CDH7: variants seen among roughly 807,000 people sequenced by gnomAD.
The protein encoded by CDH7 is cadherin 7, also known as cadherin-7.
In CDH7, 25 loss-of-function variants were observed where a neutral mutation model predicts 71.8. That is an observed-to-expected ratio of 0.35 (90% confidence interval 0.25 to 0.49). The LOEUF (loss-of-function observed/expected upper bound fraction) is 0.49. CDH7 is among the 20% of genes least tolerant of loss of function. CDH7 has a pLI of 0.99. For synonymous variants in CDH7, 381 were observed against 363.8 expected, an observed-to-expected ratio of 1.05 and a Z score of -0.54; for missense variants, 862 against 974.6, an observed-to-expected ratio of 0.88 and a Z score of 1.54.
intron 2 of CDH7, among the ~76,000 whole-genome samples, chr18:65,791,397 G>A (rs553457727): frequency 1.3e-5 from 2 of 152,050 alleles, no homozygotes; most frequent in African/African-American, 4.8e-5. Context: ...AATATTATGT[G>A]GTTTGTAAGC....
intron 7 of CDH7, among the ~76,000 whole-genome samples, chr18:65,846,876 G>C (rs1284844694): frequency 6.6e-6 from 1 of 152,092 alleles, no homozygotes; most frequent in South Asian, 2.1e-4. Flanking sequence ...ATCATGACTT[G>C]AATATTACCA....
In CDH7 at chr18:65,828,276, C is replaced by T. The variant is rs1054893848; in HGVS notation, c.981+3445C>T. Reference sequence around the variant, plus strand: ...AAAAATAGTGGAAATGATACATTTGCGTTTTACTGCAGTTTAAGCTTACTA... The same window carrying T: ...AAAAATAGTGGAAATGATACATTTGTGTTTTACTGCAGTTTAAGCTTACTA... On this transcript the variant is annotated intron_variant, in intron 6 of 11. Transcript: ENST00000397968. Among the ~76,000 whole-genome samples the T allele has an allele frequency of 5.3e-5, 8 of 151,984 alleles. No homozygotes were observed. The East Asian group carries it at 5.8e-4, about 11-fold the overall frequency.
intron 4 of CDH7, among the ~76,000 whole-genome samples, 199 bp from the exon 5 acceptor site, chr18:65,821,882 A>G (rs559833031): frequency 6.6e-6 from 1 of 152,286 alleles, no homozygotes; most frequent in African/African-American, 2.4e-5. Flanking sequence ...AAACCACGTT[A>G]ATAATGTTTT....
rs1169928573 is a variant in CDH7 at position 65,810,643 on chromosome 18, T to A, written c.505+645T>A. 9.9e-4 allele frequency among the ~76,000 whole-genome samples: 11 copies of A among 11,058 alleles called. No individual in the cohort carries two copies. In the Admixed American group the frequency reaches 0.014, roughly 14 times the overall value. 7.3% of individuals were successfully genotyped at this position (11,058 alleles called of 152,430 possible). ...CCATGGTGGTTTGCTGCATAGATTA[T>A]CCCATCACCTAGTATTAAGCCCAGC... On this transcript the variant is annotated intron_variant, in intron 3 of 11. Coordinates refer to ENST00000397968, the MANE Select transcript of CDH7 (RefSeq NM_004361.5).
chr18:65,829,930 G>A (rs1387874156), intron 6 of CDH7, among the ~76,000 whole-genome samples: 2 of 151,922 alleles, frequency 1.3e-5, no homozygotes, highest in Non-Finnish European at 2.9e-5. Flanking sequence ...AAATATCCAA[G>A]GCTCTGTAGA....
chr18:65,813,851 TAA>T (rs1599024620), intron 3 of CDH7, among the ~76,000 whole-genome samples: 1 of 152,216 alleles, frequency 6.6e-6, no homozygotes, highest in African/African-American at 2.4e-5. Context: ...ATGCAATTTT[TAA>T]AGTTTCCATG....
At chr18:65,793,321 T>C (rs1910782018) in intron 2 of CDH7, among the ~76,000 whole-genome samples, 1 of 151,538 alleles carries the variant, frequency 6.6e-6, no homozygotes, top group Non-Finnish European at 1.5e-5. Context: ...TCATTTCAGC[T>C]TCTCCACAGG....
At chr18:65,763,594 GGTGTGTGTGTGTGTGTGT>G in intron 2 of CDH7, among the ~76,000 whole-genome samples, 1 of 99,210 alleles carries the variant, frequency 1.0e-5, no homozygotes, top group South Asian at 3.7e-4. Flanking sequence ...TTGATAGGGG[GGTGTGTGTGTGTGTGTGT>G]GTGTGTGTGT....
chr18:65,759,062 A>T (rs1467474891), intron 1 of CDH7, among the ~76,000 whole-genome samples: 1 of 152,080 alleles, frequency 6.6e-6, no homozygotes, highest in Non-Finnish European at 1.5e-5. Flanking sequence ...CCCTTCTTTG[A>T]TATGTTCTAG....
chr18:65,850,848 A>G (rs370091605), intron 7 of CDH7, among the ~76,000 whole-genome samples: 16 of 142,052 alleles, frequency 1.1e-4, no homozygotes, highest in South Asian at 6.6e-4. Context: ...TCCTCAGTCT[A>G]TCGCCCAGGC....
In CDH7 at chr18:65,775,194, T is replaced by G. The variant is rs150108674; in HGVS notation, c.210+12142T>G. ...AGATGGCATAGATAATAATGAATTA[T>G]GATTATGCCAGTGCATAGAGAGGAA... is the stretch of plus-strand genomic sequence containing the variant. On this transcript the variant is annotated intron_variant, in intron 2 of 11. Transcript: ENST00000397968. Among the ~76,000 whole-genome samples, 1,214 of 152,298 alleles carry G rather than the reference T, an allele frequency of 8.0e-3. 16 individuals are homozygous for G. Among genetic ancestry groups the G allele is most frequent in the African/African-American group, 0.028 (1,166 of 41,566 alleles).
chr18:65,852,561 A>C lies in CDH7; in HGVS notation c.1236-5255A>C, dbSNP rs560034545. Among the ~76,000 whole-genome samples, 13 of 152,324 alleles carry C rather than the reference A, an allele frequency of 8.5e-5. No homozygotes were observed. In the East Asian group the frequency reaches 2.3e-3, roughly 27 times the overall value. On this transcript the variant is annotated intron_variant, in intron 7 of 11. Transcript: ENST00000397968. Reference sequence around the variant, plus strand: ...CCCAGGTGAGAGAAAGGGGGAGGGCAGAAATCAAATACCAGGTAAATTAAC... The same window carrying C: ...CCCAGGTGAGAGAAAGGGGGAGGGCCGAAATCAAATACCAGGTAAATTAAC...
Position 65,883,077 on chromosome 18 carries a change from T to G in CDH7, c.*2183T>G, listed in dbSNP as rs1431810985. The G allele has an allele frequency of 6.6e-6, 1 of 152,084 alleles. No homozygotes were observed. The highest frequency in any genetic ancestry group is 1.5e-5 in the Non-Finnish European group (1 of 67,962). The allele number at this position is 152,084 out of a possible 1,614,324, so 9.4% of individuals were successfully genotyped here. A position where few individuals can be genotyped will look rare whatever the true frequency, so the allele number is the denominator to read the frequency against. ...CTTTTAAAATGTGTGTTTTTTCTCA[T>G]TAATTTTTTCAAATGGTTACCAATG... On this transcript the variant is annotated 3_prime_UTR_variant, in exon 12 of 12. Transcript: ENST00000397968.
At chr18:65,850,324 A>T (rs1292801145) in intron 7 of CDH7, among the ~76,000 whole-genome samples, 1 of 151,436 alleles carries the variant, frequency 6.6e-6, no homozygotes, top group Non-Finnish European at 1.5e-5. Flanking sequence ...TATCCTCTTA[A>T]CATTCTTTAA....
intron 5 of CDH7, 58 bp from the exon 6 acceptor site, chr18:65,824,586 T>G: frequency 8.6e-7 from 1 of 1,161,204 alleles, no homozygotes; most frequent in Non-Finnish European, 1.2e-6. Context: ...ACCCAATATT[T>G]AAATTTTTAT....
chr18:65,770,358 C>G (rs942837594), intron 2 of CDH7, among the ~76,000 whole-genome samples: 1 of 151,996 alleles, frequency 6.6e-6, no homozygotes, highest in African/African-American at 2.4e-5. Flanking sequence ...AGGTTGGGCC[C>G]CAAATACTTA....
chr18:65,853,943 A>ATG (rs1555689521), intron 7 of CDH7, among the ~76,000 whole-genome samples: 1 of 107,196 alleles, frequency 9.3e-6, no homozygotes, highest in Non-Finnish European at 2.0e-5. Flanking sequence ...ATATATATAT[A>ATG]TATATATATA....
intron 7 of CDH7, among the ~76,000 whole-genome samples, chr18:65,849,307 G>T (rs534105213): frequency 1.8e-4 from 28 of 151,576 alleles, no homozygotes; most frequent in African/African-American, 6.0e-4. Flanking sequence ...GTTAAATTTT[G>T]CAGGAAATGC....
intron 2 of CDH7, among the ~76,000 whole-genome samples, chr18:65,766,843 C>G (rs1465925802): frequency 7.4e-6 from 1 of 135,378 alleles, no homozygotes; most frequent in East Asian, 2.3e-4. Flanking sequence ...GTCTGTTAAT[C>G]ACCTTGGCAT....
Sources: gnomAD v4.1 joint callset for allele counts (sites outside exome capture counted in the v4.1 genomes callset) on GRCh38, gnomAD v4.1.1 for gene constraint, MANE v1.5 for transcripts, NCBI Gene and HGNC (gene_info 2026-07-23, HGNC 2026-07-21) for gene names.